Variants in CPQ observed in about 807,000 individuals in gnomAD.
The protein encoded by CPQ is Ser-Met dipeptidase.
CPQ carries 37 observed loss-of-function variants against 45.7 expected under a neutral mutation model. That is an observed-to-expected ratio of 0.81 (90% CI 0.62 to 1.07). The LOEUF is 1.07. CPQ is among the 50% of genes least tolerant of loss of function. CPQ has a pLI of 0.00. For missense variants in CPQ, 537 were observed against 572.9 expected, an observed-to-expected ratio of 0.94 and a Z score of 0.64; for synonymous variants, 186 against 205.8, an observed-to-expected ratio of 0.90 and a Z score of 0.82.
intron 5 of CPQ, among the ~76,000 whole-genome samples, chr8:96,991,787 A>G (rs1220075203): frequency 6.6e-6 from 1 of 152,096 alleles, no homozygotes; most frequent in Non-Finnish European, 1.5e-5. Flanking sequence ...GAGCAAGTGC[A>G]AGCTATTATT....
intron 1 of CPQ, among the ~76,000 whole-genome samples, chr8:96,724,736 C>T (rs1184634463): frequency 1.3e-5 from 2 of 152,162 alleles, no homozygotes; most frequent in African/African-American, 4.8e-5. Context: ...TGTCATTTCT[C>T]ACAGAATTAG....
At chr8:97,075,005 A>G (rs1810818841) in intron 7 of CPQ, among the ~76,000 whole-genome samples, 2 of 152,270 alleles carry the variant, frequency 1.3e-5, no homozygotes, top group Non-Finnish European at 1.5e-5. Flanking sequence ...AACGCTTTAC[A>G]AGGAGAGGGA....
chr8:96,879,688 A>G (rs1812193450), intron 3 of CPQ, 110 bp from the exon 4 acceptor site: 2 of 711,850 alleles, frequency 2.8e-6, no homozygotes, highest in Non-Finnish European at 2.4e-6. Flanking sequence ...CCTGTTTCCC[A>G]GATGCAAACA....
chr8:96,693,942 A>G lies in CPQ; in HGVS notation c.-35+48540A>G, dbSNP rs181637931. Among the ~76,000 whole-genome samples, 400 of 152,304 alleles carry G rather than the reference A, an allele frequency of 2.6e-3. 4 individuals are homozygous for G. Among genetic ancestry groups the G allele is most frequent in the Non-Finnish European group, 2.5e-3 (170 of 68,030 alleles). On this transcript the variant is annotated intron_variant, in intron 1 of 7. Transcript: ENST00000220763. ...ATGTAGGCAATACAATAAGATATAA[A>G]TAGAACAATAAAAAGTTAAGAAGCA...
intron 7 of CPQ, among the ~76,000 whole-genome samples, chr8:97,089,004 A>G (rs1181221129): frequency 2.1e-4 from 32 of 152,204 alleles, no homozygotes; most frequent in Non-Finnish European, 1.5e-5. Context: ...AGCACTTTGG[A>G]AGGCCAAGGC....
At chr8:97,109,235 G>A (rs1205551165) in intron 7 of CPQ, among the ~76,000 whole-genome samples, 10 of 152,042 alleles carry the variant, frequency 6.6e-5, no homozygotes, top group African/African-American at 2.4e-4. Context: ...CATTCTCCAT[G>A]CTCTGCTAGT....
At chr8:97,125,587 C>T (rs959097498) in intron 7 of CPQ, among the ~76,000 whole-genome samples, 15 of 152,016 alleles carry the variant, frequency 9.9e-5, no homozygotes, top group African/African-American at 3.4e-4. Flanking sequence ...ATTTTTAAAT[C>T]GATCAATATA....
chr8:96,731,529 G>A (rs1359002900), intron 1 of CPQ, among the ~76,000 whole-genome samples: 1 of 152,176 alleles, frequency 6.6e-6, no homozygotes, highest in Non-Finnish European at 1.5e-5. Context: ...AGGAATAAAT[G>A]GAGGTGGGAT....
In CPQ at chr8:96,747,813, TGAA is replaced by T. The variant is rs1810210126; in HGVS notation, c.-34-37050_-34-37048del. On this transcript the variant is annotated intron_variant, in intron 1 of 7. Coordinates refer to ENST00000220763, the MANE Select transcript of CPQ (RefSeq NM_016134.4). Reference sequence around the variant, plus strand: ...GATGCTGGACTCCATCTAGGCCTACTGAATTGGAATCTCTGGAGTGGCACTTGT... The same window carrying T: ...GATGCTGGACTCCATCTAGGCCTACTTTGGAATCTCTGGAGTGGCACTTGT... Among the ~76,000 whole-genome samples, 5 of 152,322 alleles carry T rather than the reference TGAA, an allele frequency of 3.3e-5. No individual in the cohort carries two copies. In the South Asian group the frequency reaches 1.0e-3, roughly 32 times the overall value.
intron 1 of CPQ, among the ~76,000 whole-genome samples, chr8:96,740,198 C>G (rs904039372): frequency 6.6e-6 from 1 of 152,008 alleles, no homozygotes; most frequent in Admixed American, 6.6e-5. Context: ...AGTTGGATTC[C>G]TAGGTATTTT....
chr8:97,055,309 T>C (rs1810435232), intron 6 of CPQ, among the ~76,000 whole-genome samples: 1 of 152,198 alleles, frequency 6.6e-6, no homozygotes. Context: ...TTGCCACCAG[T>C]TCCTAAAGCC....
chr8:96,767,634 G>GGTT (rs1563491733), intron 1 of CPQ, among the ~76,000 whole-genome samples: 1 of 72,954 alleles, frequency 1.4e-5, no homozygotes, highest in African/African-American at 5.9e-5. Context: ...GGTTACCTAT[G>GGTT]CTTTTTTTTT....
chr8:96,779,063 C>CAAAAAAAAA (rs561557208), intron 1 of CPQ, among the ~76,000 whole-genome samples: 1 of 57,022 alleles, frequency 1.8e-5, no homozygotes. Context: ...ACTCCATCTC[C>CAAAAAAAAA]AAAAAAAAAA....
intron 5 of CPQ, among the ~76,000 whole-genome samples, chr8:97,021,387 A>T (rs1809678893): frequency 6.6e-6 from 1 of 152,140 alleles, no homozygotes. Context: ...GTCAGACAAG[A>T]GAAAGAAATA....
chr8:97,025,999 C>G (rs1301588617), intron 5 of CPQ, among the ~76,000 whole-genome samples: 1 of 152,058 alleles, frequency 6.6e-6, no homozygotes, highest in Non-Finnish European at 1.5e-5. Context: ...GATGAGGGAG[C>G]TTTTTGTACT....
intron 1 of CPQ, among the ~76,000 whole-genome samples, chr8:96,699,951 ATGT>A (rs1209079772): frequency 6.6e-6 from 1 of 152,138 alleles, no homozygotes; most frequent in Non-Finnish European, 1.5e-5. Flanking sequence ...TTCTTGCCAA[ATGT>A]TGTGTTTCCC....
At chr8:96,679,864 A>G (rs1485015719) in intron 1 of CPQ, among the ~76,000 whole-genome samples, 1 of 151,980 alleles carries the variant, frequency 6.6e-6, no homozygotes, top group Non-Finnish European at 1.5e-5. Context: ...ATTTTCAAAA[A>G]CCAACTTTTC....
chr8:96,970,823 A>G (rs1290940808), intron 5 of CPQ, among the ~76,000 whole-genome samples: 2 of 152,102 alleles, frequency 1.3e-5, no homozygotes, highest in East Asian at 3.9e-4. Context: ...TCGGCCTCCC[A>G]AAGTGCTGGG....
intron 5 of CPQ, among the ~76,000 whole-genome samples, chr8:96,989,210 C>T (rs1421165361): frequency 3.3e-5 from 5 of 151,980 alleles, no homozygotes; most frequent in South Asian, 4.2e-4. Context: ...CATTAAGTTC[C>T]TTAATTGTGA....
Sources: gnomAD v4.1 joint callset for allele counts (sites outside exome capture counted in the v4.1 genomes callset) on GRCh38, gnomAD v4.1.1 for gene constraint, MANE v1.5 for transcripts, NCBI Gene and HGNC (gene_info 2026-07-23, HGNC 2026-07-21) for gene names.